RERE: variants seen among roughly 807,000 people sequenced by gnomAD.
The protein encoded by RERE is arginine-glutamic acid dipeptide repeats protein.
Under a neutral mutation model 146.1 loss-of-function variants are expected in RERE, and 40 were observed. That is an observed-to-expected ratio of 0.27 (90% CI 0.21 to 0.36). The LOEUF is 0.36. Among genes scored for constraint, RERE ranks in the 10% least tolerant of loss-of-function variants. The probability of loss-of-function intolerance (pLI) is 1.00; values close to 1 mark genes in which losing one functional copy is unlikely to be tolerated. For missense variants in RERE, 1,933 were observed against 2,138.7 expected (o/e 0.90, Z 1.90); for synonymous variants, 1,003 against 866.0 (o/e 1.16, Z -2.78).
intron 1 of RERE, among the ~76,000 whole-genome samples, chr1:8,699,295 G>A (rs1639398318): frequency 6.6e-6 from 1 of 152,128 alleles, no homozygotes. Flanking sequence ...ATCACAGTGA[G>A]TAAGTGGTAA....
At chr1:8,365,046 G>C (rs1641747002) in intron 13 of RERE, among the ~76,000 whole-genome samples, 1 of 152,246 alleles carries the variant, frequency 6.6e-6, no homozygotes, top group African/African-American at 2.4e-5. Flanking sequence ...TCAGTCACCA[G>C]GACAGAGGGC....
At chr1:8,414,370 C>A (rs1300750836) in intron 12 of RERE, among the ~76,000 whole-genome samples, 1 of 151,874 alleles carries the variant, frequency 6.6e-6, no homozygotes, top group Non-Finnish European at 1.5e-5. Context: ...CATGGTGAAA[C>A]CCCATCTCTA....
At chr1:8,778,603 G>A (rs916860162) in intron 1 of RERE, among the ~76,000 whole-genome samples, 4 of 152,168 alleles carry the variant, frequency 2.6e-5, no homozygotes, top group South Asian at 2.1e-4. Flanking sequence ...TCGGGAAGCC[G>A]AGGCAGAAGG....
At chr1:8,363,330 C>CA (rs1225734881) in intron 15 of RERE, among the ~76,000 whole-genome samples, 1 of 152,266 alleles carries the variant, frequency 6.6e-6, no homozygotes, top group Admixed American at 6.5e-5. Flanking sequence ...CCCAAGCCGC[C>CA]AAGCGCTTCA....
intron 1 of RERE, among the ~76,000 whole-genome samples, chr1:8,689,753 C>G (rs555919268): frequency 6.7e-6 from 1 of 149,314 alleles, no homozygotes; most frequent in Non-Finnish European, 1.5e-5. Context: ...AGGTGCCCAT[C>G]GAAGGAGCAA....
intron 6 of RERE, among the ~76,000 whole-genome samples, chr1:8,553,169 G>C (rs1425335731): frequency 6.8e-6 from 1 of 147,084 alleles, no homozygotes; most frequent in African/African-American, 2.5e-5. Context: ...ACACATGCGT[G>C]TGCGACACAC....
At chr1:8,694,546 G>A (rs1639279225) in intron 1 of RERE, among the ~76,000 whole-genome samples, 4 of 152,042 alleles carry the variant, frequency 2.6e-5, no homozygotes, top group African/African-American at 2.4e-5. Context: ...AGATCACAAG[G>A]TCAGGAATTC....
At chr1:8,366,024 G>GC (rs1387713641) in intron 12 of RERE, 50 bp from the exon 13 acceptor site, 1 of 1,575,640 alleles carries the variant, frequency 6.3e-7, no homozygotes, top group Non-Finnish European at 8.7e-7. Flanking sequence ...GCTTTTCCGT[G>GC]CCCCACGCAC....
chr1:8,387,737 A>T (rs1191624407), intron 12 of RERE, among the ~76,000 whole-genome samples: 1 of 152,258 alleles, frequency 6.6e-6, no homozygotes, highest in Non-Finnish European at 1.5e-5. Context: ...AAAATCACTC[A>T]GACATTTCAA....
At chr1:8,478,182 T>C (rs1033274639) in intron 10 of RERE, among the ~76,000 whole-genome samples, 4 of 152,182 alleles carry the variant, frequency 2.6e-5, no homozygotes, top group African/African-American at 7.2e-5. Flanking sequence ...AGCCTGACTG[T>C]GGGAGACACA....
At chr1:8,712,381 T>C (rs1440676749) in intron 1 of RERE, among the ~76,000 whole-genome samples, 2 of 152,214 alleles carry the variant, frequency 1.3e-5, no homozygotes, top group Non-Finnish European at 2.9e-5. Flanking sequence ...CATCATCTGA[T>C]TAATTCCAAC....
At chr1:8,577,390 T>C (rs1646309414) in intron 4 of RERE, among the ~76,000 whole-genome samples, 1 of 152,166 alleles carries the variant, frequency 6.6e-6, no homozygotes, top group Non-Finnish European at 1.5e-5. Context: ...AGATGGTGTC[T>C]GACCAACAGA....
intron 7 of RERE, among the ~76,000 whole-genome samples, chr1:8,539,844 C>G (rs866164959): frequency 2.0e-4 from 30 of 152,042 alleles, no homozygotes; most frequent in Admixed American, 1.2e-3. Context: ...GAGAGGGAGA[C>G]AGACAGACAG....
chr1:8,565,147 C>T (rs566398629), intron 4 of RERE, among the ~76,000 whole-genome samples: 12 of 151,944 alleles, frequency 7.9e-5, no homozygotes, highest in African/African-American at 1.9e-4. Context: ...TTTAAATGAT[C>T]GACTGCACAA....
At chr1:8,405,200 T>A (rs1219710053) in intron 12 of RERE, among the ~76,000 whole-genome samples, 1 of 152,200 alleles carries the variant, frequency 6.6e-6, no homozygotes, top group Admixed American at 6.5e-5. Context: ...CTCAGGAGGA[T>A]GCAAGGCACT....
At chr1:8,612,705 T>C (rs539893791) in intron 4 of RERE, among the ~76,000 whole-genome samples, 18 of 152,220 alleles carry the variant, frequency 1.2e-4, no homozygotes, top group Admixed American at 3.9e-4. Flanking sequence ...ATTAAGAAAA[T>C]ATCAGCCTGA....
At chr1:8,726,935 A>T (rs1178216359) in intron 1 of RERE, among the ~76,000 whole-genome samples, 1 of 151,834 alleles carries the variant, frequency 6.6e-6, no homozygotes, top group Non-Finnish European at 1.5e-5. Flanking sequence ...CCTCCAGAGT[A>T]GCTGGGATCA....
chr1:8,697,852 T>C (rs1431554599), intron 1 of RERE, among the ~76,000 whole-genome samples: 1 of 152,190 alleles, frequency 6.6e-6, no homozygotes, highest in Non-Finnish European at 1.5e-5. Context: ...AAAGAACTTG[T>C]ATTAAATCTT....
chr1:8,409,166 T>C (rs982706229), intron 12 of RERE, among the ~76,000 whole-genome samples: 2 of 152,202 alleles, frequency 1.3e-5, no homozygotes, highest in Non-Finnish European at 2.9e-5. Flanking sequence ...AAATATCAGT[T>C]GTCTCAAAAC....
Sources: gnomAD v4.1 joint callset for allele counts (sites outside exome capture counted in the v4.1 genomes callset) on GRCh38, gnomAD v4.1.1 for gene constraint, MANE v1.5 for transcripts, NCBI Gene and HGNC (gene_info 2026-07-23, HGNC 2026-07-21) for gene names.